Variants in SLCO1B3 observed in about 807,000 individuals in gnomAD.
The protein encoded by SLCO1B3 is liver-specific organic anion transporter 2.
Under a neutral mutation model 71.8 loss-of-function variants are expected in SLCO1B3, and 72 were observed. The ratio of observed to expected loss-of-function variants is 1.00; its 90% CI spans 0.83 to 1.22. The LOEUF is 1.22. Ranked by LOEUF, SLCO1B3 falls within the 50% of genes most tolerant of loss-of-function variation. SLCO1B3 has a pLI of 0.00. For missense variants in SLCO1B3, 911 were observed against 819.7 expected, an observed-to-expected ratio of 1.11 and a Z score of -1.36; for synonymous variants, 298 against 278.4, an observed-to-expected ratio of 1.07 and a Z score of -0.70.
intron 3 of SLCO1B3, chr12:20,845,027 CAAAAAAA>C (rs36120748): frequency 1.7e-3 from 318 of 190,424 alleles, no homozygotes; most frequent in South Asian, 4.0e-3. Context: ...AAGACTGTCT[CAAAAAAA>C]AAAAAAAAAA....
intron 2 of SLCO1B3, 111 bp downstream of exon 2, chr12:20,813,749 T>C (rs1240058340): frequency 1.3e-5 from 2 of 150,930 alleles, no homozygotes; most frequent in Non-Finnish European, 2.9e-5. Context: ...TAAAACATTA[T>C]GTATTAAGTT....
chr12:20,822,123 A>T (rs1002219317), intron 3 of SLCO1B3, among the ~76,000 whole-genome samples: 1 of 152,310 alleles, frequency 6.6e-6, no homozygotes, highest in Non-Finnish European at 1.5e-5. Flanking sequence ...CGGAGCAAAG[A>T]GCAGGAGGAC....
chr12:20,861,002 A>T lies in SLCO1B3; in HGVS notation c.360-15A>T, dbSNP rs780758936. 9 of 1,552,046 alleles carry T rather than the reference A, an allele frequency of 5.8e-6. No individual in the cohort carries two copies. The highest frequency in any genetic ancestry group is 2.4e-5 in the South Asian group (2 of 83,190). On this transcript the variant is annotated splice_polypyrimidine_tract_variant and intron_variant, in intron 5 of 15. Transcript: ENST00000381545. ...GTAGATAAGCAAAATGTTCAATTTCATGTTGCTCTTACAGTTATAGGTATT... is the reference window on the plus strand; with the variant it reads ...GTAGATAAGCAAAATGTTCAATTTCTTGTTGCTCTTACAGTTATAGGTATT...
chr12:20,857,492 T>C (rs1025493546), intron 4 of SLCO1B3, among the ~76,000 whole-genome samples: 1 of 152,018 alleles, frequency 6.6e-6, no homozygotes, highest in African/African-American at 2.4e-5. Context: ...TGTGATGTCA[T>C]CTTTTATATC....
intron 3 of SLCO1B3, among the ~76,000 whole-genome samples, chr12:20,851,217 C>T (rs1865021053): frequency 6.6e-6 from 1 of 152,068 alleles, no homozygotes; most frequent in Non-Finnish European, 1.5e-5. Context: ...TATGGTAATT[C>T]TGCTTGTAAC....
At chr12:20,829,166 C>T (rs1864487916) in intron 3 of SLCO1B3, among the ~76,000 whole-genome samples, 1 of 152,114 alleles carries the variant, frequency 6.6e-6, no homozygotes, top group African/African-American at 2.4e-5. Flanking sequence ...GTCAAACAAA[C>T]AGACAATTGT....
In SLCO1B3 at chr12:20,916,278, TGAGG is replaced by T; in HGVS notation, c.*32_*35del. 6.3e-7 allele frequency: 1 copy of T among 1,598,540 alleles called. No individual in the cohort carries two copies. Among genetic ancestry groups the T allele is most frequent in the Non-Finnish European group, 8.5e-7 (1 of 1,170,946 alleles). Reference sequence around the variant, plus strand: ...CATTGATTCATTAAGATGTTATTTTTGAGGTGTTCCTGGTCTTTCACTGACAATT... The same window carrying T: ...CATTGATTCATTAAGATGTTATTTTTTGTTCCTGGTCTTTCACTGACAATT... On this transcript the variant is annotated 3_prime_UTR_variant, in exon 16 of 16. Transcript: ENST00000381545.
rs151295214 is a variant in SLCO1B3, at chr12:20,855,133, T to A, written c.190T>A (p.Ser64Thr). 16 of 1,611,358 alleles carry A rather than the reference T, an allele frequency of 9.9e-6. No individual in the cohort carries two copies. The African/African-American group carries it at 1.5e-4, about 15-fold the overall frequency. The change falls in exon 4 of 16, where the codon TCT becomes ACT. Residue 64 changes from serine (S) to threonine (T), a missense_variant. By Grantham distance (58) the Ser-to-Thr change is moderately conservative (BLOSUM62 1). Coordinates refer to ENST00000381545, the MANE Select transcript of SLCO1B3 (RefSeq NM_019844.4). ...AGAAAGGAGATTTGACATATCCTCT[T>A]CTCTTGCTGGTTTAATTGATGGAAG... is the stretch of plus-strand genomic sequence containing the variant. ...QIERRFDISS[S>T]LAGLIDGSFE... is the part of the protein sequence containing the mutation.
chr12:20,837,676 A>G (rs1357355713), intron 3 of SLCO1B3, among the ~76,000 whole-genome samples: 2 of 152,132 alleles, frequency 1.3e-5, no homozygotes, highest in Non-Finnish European at 2.9e-5. Flanking sequence ...CTGAGAACAA[A>G]TGCTATCACT....
At chr12:20,892,639 C>T (rs781060379) in intron 13 of SLCO1B3, among the ~76,000 whole-genome samples, 14 of 152,120 alleles carry the variant, frequency 9.2e-5, no homozygotes, top group Non-Finnish European at 1.8e-4. Flanking sequence ...GAACTTTTTT[C>T]TGCTGCTTCT....
intron 15 of SLCO1B3, chr12:20,901,800 C>T (rs1164821588): frequency 2.8e-6 from 1 of 358,708 alleles, no homozygotes; most frequent in East Asian, 1.0e-4. Context: ...CTCCCACTGG[C>T]TTCTCCAGGA....
chr12:20,868,526 C>A (rs537509324), intron 8 of SLCO1B3, among the ~76,000 whole-genome samples: 2 of 152,322 alleles, frequency 1.3e-5, no homozygotes, highest in Admixed American at 1.3e-4. Flanking sequence ...ATTCTACTTT[C>A]TGCTTTCATG....
chr12:20,890,813 A>G (rs890842315), intron 13 of SLCO1B3, among the ~76,000 whole-genome samples: 1 of 152,138 alleles, frequency 6.6e-6, no homozygotes, highest in Non-Finnish European at 1.5e-5. Context: ...TGTTTTATCT[A>G]ATGCCAGTAT....
chr12:20,813,026 C>T (rs1357595296), intron 1 of SLCO1B3, among the ~76,000 whole-genome samples: 1 of 152,108 alleles, frequency 6.6e-6, no homozygotes, highest in Non-Finnish European at 1.5e-5. Context: ...TTTTTTTCCT[C>T]ACTTTACCTA....
chr12:20,841,553 A>C (rs1864802260), intron 3 of SLCO1B3, among the ~76,000 whole-genome samples: 1 of 152,016 alleles, frequency 6.6e-6, no homozygotes, highest in Admixed American at 6.6e-5. Flanking sequence ...ACTTTTTGCA[A>C]CCTGTTGAGT....
intron 3 of SLCO1B3, among the ~76,000 whole-genome samples, chr12:20,851,729 T>C (rs1215609937): frequency 6.6e-6 from 1 of 152,194 alleles, no homozygotes; most frequent in Non-Finnish European, 1.5e-5. Flanking sequence ...ACTCAAGAAA[T>C]TATTGTCAAA....
At chr12:20,845,023 G>C (rs1489662707) in intron 3 of SLCO1B3, 3 of 181,966 alleles carry the variant, frequency 1.6e-5, no homozygotes, top group African/African-American at 4.3e-5. Context: ...GAGCAAGACT[G>C]TCTCAAAAAA....
intron 1 of SLCO1B3, among the ~76,000 whole-genome samples, chr12:20,811,618 C>G (rs977593895): frequency 6.6e-6 from 1 of 152,146 alleles, no homozygotes; most frequent in Non-Finnish European, 1.5e-5. Flanking sequence ...TGGTAAGATT[C>G]TGCCCTCTAC....
chr12:20,912,029 A>G (rs1866388395), intron 15 of SLCO1B3, among the ~76,000 whole-genome samples: 1 of 152,090 alleles, frequency 6.6e-6, no homozygotes, highest in Non-Finnish European at 1.5e-5. Context: ...TTGATTTAAG[A>G]TATTCTTCAT....
Sources: allele counts gnomAD v4.1 joint callset (sites outside exome capture counted in the v4.1 genomes callset), GRCh38; gene constraint gnomAD v4.1.1; transcripts MANE v1.5; gene names NCBI Gene and HGNC (gene_info 2026-07-23, HGNC 2026-07-21).